ARB2A: variants seen among roughly 807,000 people sequenced by gnomAD.
ARB2A encodes ARB2 cotranscriptional regulator A.
chr5:93,831,525 C>T, the ARB2A span, among the ~76,000 whole-genome samples: 29 of 152,196 alleles, frequency 1.9e-4, no homozygotes, highest in African/African-American at 7.0e-4. Flanking sequence ...GCAATGCAGC[C>T]CAGATTACAC....
At chr5:94,038,388 C>T in the ARB2A span, among the ~76,000 whole-genome samples, 2 of 152,016 alleles carry the variant, frequency 1.3e-5, no homozygotes, top group Non-Finnish European at 2.9e-5. Context: ...TCACACCACT[C>T]TCCCACCTCC....
the ARB2A span, among the ~76,000 whole-genome samples, chr5:93,713,074 T>G: frequency 6.6e-6 from 1 of 152,148 alleles, no homozygotes; most frequent in Non-Finnish European, 1.5e-5. Flanking sequence ...ATTAAAGATT[T>G]AAATCTAAGA....
At chr5:94,041,530 A>G in the ARB2A span, among the ~76,000 whole-genome samples, 2 of 152,134 alleles carry the variant, frequency 1.3e-5, no homozygotes, top group South Asian at 4.1e-4. Flanking sequence ...TTTAATAATA[A>G]TAAGAGCTTA....
At chr5:94,034,322 T>C in the ARB2A span, among the ~76,000 whole-genome samples, 4 of 152,178 alleles carry the variant, frequency 2.6e-5, no homozygotes, top group African/African-American at 7.2e-5. Context: ...ATGGAAATTT[T>C]TGAGGAACAT....
chr5:93,718,432 G>A, the ARB2A span, among the ~76,000 whole-genome samples: 118 of 151,832 alleles, frequency 7.8e-4, no homozygotes, highest in African/African-American at 2.7e-3. Context: ...GCGAGACTCC[G>A]TCTCAGCAAA....
chr5:93,956,688 AAAGT>A, the ARB2A span, among the ~76,000 whole-genome samples: 1 of 152,018 alleles, frequency 6.6e-6, no homozygotes, highest in African/African-American at 2.4e-5. Flanking sequence ...AAAAAAAAAA[AAAGT>A]AAGAATGGGA....
the ARB2A span, among the ~76,000 whole-genome samples, chr5:93,811,216 G>A: frequency 6.6e-6 from 1 of 152,100 alleles, no homozygotes; most frequent in East Asian, 1.9e-4. Flanking sequence ...CCAACCAGGG[G>A]TTTGGCCAAC....
At chr5:94,009,367 A>C in the ARB2A span, among the ~76,000 whole-genome samples, 1 of 152,028 alleles carries the variant, frequency 6.6e-6, no homozygotes, top group Non-Finnish European at 1.5e-5. Flanking sequence ...CATCAGCATT[A>C]TTTCTTTGTG....
chr5:93,960,615 T>C, the ARB2A span, among the ~76,000 whole-genome samples: 1 of 152,186 alleles, frequency 6.6e-6, no homozygotes, highest in African/African-American at 2.4e-5. Context: ...TGAGGAATCT[T>C]ATCAAGCCTC....
At chr5:94,006,208 A>C in the ARB2A span, among the ~76,000 whole-genome samples, 1 of 152,366 alleles carries the variant, frequency 6.6e-6, no homozygotes, top group Non-Finnish European at 1.5e-5. Context: ...GCAATATAAA[A>C]GAACAAATAC....
chr5:93,966,763 G>A, the ARB2A span, among the ~76,000 whole-genome samples: 129 of 152,008 alleles, frequency 8.5e-4, no homozygotes, highest in African/African-American at 3.0e-3. Context: ...AACCCTCCAA[G>A]GTATGGCAAA....
At chr5:93,913,259 A>G in the ARB2A span, among the ~76,000 whole-genome samples, 129 of 151,890 alleles carry the variant, frequency 8.5e-4, 2 homozygotes, top group East Asian at 0.014. Context: ...AATCAACAAG[A>G]TTTTCTGTCG....
the ARB2A span, among the ~76,000 whole-genome samples, chr5:93,731,935 G>T: frequency 6.6e-6 from 1 of 152,216 alleles, no homozygotes; most frequent in African/African-American, 2.4e-5. Context: ...AGAAAGTGAA[G>T]CTAGTTTGTA....
chr5:93,660,733 A>G, the ARB2A span, among the ~76,000 whole-genome samples: 1 of 152,178 alleles, frequency 6.6e-6, no homozygotes, highest in Admixed American at 6.6e-5. Context: ...AGGATTTAAT[A>G]GCAAGTGAGG....
chr5:93,709,493 C>A, the ARB2A span, among the ~76,000 whole-genome samples: 8 of 151,290 alleles, frequency 5.3e-5, no homozygotes, highest in African/African-American at 1.7e-4. Context: ...ATTAGCTGGG[C>A]GTGGAGGTGT....
At chr5:93,916,603 G>A in the ARB2A span, among the ~76,000 whole-genome samples, 1 of 152,106 alleles carries the variant, frequency 6.6e-6, no homozygotes, top group African/African-American at 2.4e-5. Flanking sequence ...CCATCAGTTT[G>A]TAATTTCGAG....
the ARB2A span, among the ~76,000 whole-genome samples, chr5:93,893,326 A>G: frequency 6.6e-6 from 1 of 152,236 alleles, no homozygotes; most frequent in Non-Finnish European, 1.5e-5. Context: ...TCTTATTCAG[A>G]CCTGAAGAAA....
At chr5:93,665,258 G>C in the ARB2A span, among the ~76,000 whole-genome samples, 1 of 152,170 alleles carries the variant, frequency 6.6e-6, no homozygotes, top group Non-Finnish European at 1.5e-5. Context: ...TCTTTTAATA[G>C]TGAAGTTAAT....
At chr5:94,069,093 A>AG in the ARB2A span, among the ~76,000 whole-genome samples, 1 of 108,892 alleles carries the variant, frequency 9.2e-6, no homozygotes, top group African/African-American at 3.5e-5. Context: ...TAGATAGACT[A>AG]ATGGAACAGA....
Sources: allele counts gnomAD v4.1 joint callset (sites outside exome capture counted in the v4.1 genomes callset), GRCh38; gene constraint gnomAD v4.1.1; transcripts MANE v1.5; gene names NCBI Gene and HGNC (gene_info 2026-07-23, HGNC 2026-07-21).